FBXW2: variants seen among roughly 807,000 people sequenced by gnomAD.
FBXW2 encodes F-box/WD repeat-containing protein 2.
In FBXW2, 12 loss-of-function variants were observed where a neutral mutation model predicts 46.0. The ratio of observed to expected loss-of-function variants is 0.26; its 90% CI spans 0.17 to 0.42. The LOEUF (loss-of-function observed/expected upper bound fraction) is 0.42. FBXW2 is among the 10% of genes least tolerant of loss of function. FBXW2 has a pLI of 1.00. For missense variants in FBXW2, 360 were observed against 537.0 expected (o/e 0.67, Z 3.26); for synonymous variants, 203 against 209.6 (o/e 0.97, Z 0.27).
Position 120,757,808 on chromosome 9 carries a change from A to G in FBXW2, c.*6751T>C, listed in dbSNP as rs182908832. 1.2e-4 allele frequency: 18 copies of G among 152,348 alleles called. No homozygotes were observed. The highest frequency in any genetic ancestry group is 4.3e-4 in the African/African-American group (18 of 41,596). The allele number at this position is 152,348 out of a possible 1,614,324, so 9.4% of individuals were successfully genotyped here. On this transcript the variant is annotated 3_prime_UTR_variant, in exon 8 of 8. Transcript: ENST00000608872. The stretch of plus-strand genomic sequence containing the variant: ...ACTCATGTCTAATCACAGTGTGATC[A>G]TTAAATATTCTCTCCAAATGTACTC...
At chr9:120,790,125 A>G (rs1178583797) in intron 2 of FBXW2, among the ~76,000 whole-genome samples, 1 of 152,232 alleles carries the variant, frequency 6.6e-6, no homozygotes, top group Non-Finnish European at 1.5e-5. Flanking sequence ...CAAAGCAATT[A>G]TCTTCTGTGG....
chr9:120,790,581 CATACATAT>C (rs1170667048), intron 2 of FBXW2, among the ~76,000 whole-genome samples: 1 of 152,200 alleles, frequency 6.6e-6, no homozygotes, highest in Non-Finnish European at 1.5e-5. Context: ...CACATCTACA[CATACATAT>C]ATACACACAT....
At chr9:120,781,015 T>C (rs1205587034) in intron 3 of FBXW2, among the ~76,000 whole-genome samples, 1 of 151,878 alleles carries the variant, frequency 6.6e-6, no homozygotes, top group Non-Finnish European at 1.5e-5. Flanking sequence ...TATAGGACTG[T>C]TTCAAGAAAG....
chr9:120,790,648 T>C (rs2044819145), intron 2 of FBXW2, among the ~76,000 whole-genome samples: 1 of 152,166 alleles, frequency 6.6e-6, no homozygotes, highest in Non-Finnish European at 1.5e-5. Flanking sequence ...TGTATTTAAG[T>C]GAGCTGAACT....
chr9:120,772,699 CT>C (rs2044405289), intron 6 of FBXW2, 54 bp downstream of exon 6: 17 of 1,212,966 alleles, frequency 1.4e-5, no homozygotes, highest in Non-Finnish European at 2.0e-5. Context: ...CTTTCATTTT[CT>C]TATGTTTTCC....
chr9:120,764,847 C>T lies in FBXW2; in HGVS notation c.1077G>A (p.Arg359=). ...TTGCTATCTCAGGAGTCTTGATGACCCTACAAGGATGAGAGTTAGGGACTG... is the reference window on the plus strand; with the variant it reads ...TTGCTATCTCAGGAGTCTTGATGACTCTACAAGGATGAGAGTTAGGGACTG... ...QWDFASYDIL[R]VIKTPEIANL... is the part of the protein sequence containing the mutation. Residue 359 remains arginine, a splice_region_variant and synonymous_variant, in exon 8 of 8, where the codon AGG becomes AGA. Coordinates refer to ENST00000608872, the MANE Select transcript of FBXW2 (RefSeq NM_012164.4). 1 of 1,569,692 alleles carries T rather than the reference C, an allele frequency of 6.4e-7. No homozygotes were observed. Among genetic ancestry groups the T allele is most frequent in the Non-Finnish European group, 8.7e-7 (1 of 1,155,362 alleles).
intron 6 of FBXW2, among the ~76,000 whole-genome samples, chr9:120,771,786 C>T (rs1382871035): frequency 1.3e-5 from 2 of 152,162 alleles, no homozygotes; most frequent in African/African-American, 4.8e-5. Flanking sequence ...GGGCCAGGCA[C>T]GGTGGCTCGC....
intron 3 of FBXW2, among the ~76,000 whole-genome samples, chr9:120,785,248 A>C (rs1465334460): frequency 6.6e-6 from 1 of 152,068 alleles, no homozygotes; most frequent in African/African-American, 2.4e-5. Context: ...GGGCTCACAT[A>C]ATCTGCCTGC....
At chr9:120,765,095 GT>G (rs751039443) in intron 7 of FBXW2, among the ~76,000 whole-genome samples, 254 of 139,740 alleles carry the variant, frequency 1.8e-3, no homozygotes, top group Middle Eastern at 3.8e-3. Context: ...TTTGATCAAA[GT>G]TTTTTTTTTT....
chr9:120,777,251 T>A (rs2044516171), intron 4 of FBXW2, among the ~76,000 whole-genome samples: 1 of 152,252 alleles, frequency 6.6e-6, no homozygotes, highest in African/African-American at 2.4e-5. Flanking sequence ...CATGCATACA[T>A]GCACCTTCAA....
chr9:120,760,266 C>T lies in FBXW2; in HGVS notation c.*4293G>A, dbSNP rs771489492. ...TCATGAGTAGCAATCTGATTCTGCT[C>T]GCTTCCCAACAGAGAAAGGCAAGTG... On this transcript the variant is annotated 3_prime_UTR_variant, in exon 8 of 8. Coordinates refer to ENST00000608872, the MANE Select transcript of FBXW2 (RefSeq NM_012164.4). 3 of 152,260 alleles carry T rather than the reference C, an allele frequency of 2.0e-5. No individual in the cohort carries two copies. The highest frequency in any genetic ancestry group is 4.4e-5 in the Non-Finnish European group (3 of 68,130). 9.4% of individuals were successfully genotyped at this position (152,260 alleles called of 1,614,324 possible).
rs951054538 is a variant in FBXW2 at position 120,757,340 on chromosome 9, T to A, written c.*7219A>T. ...AAACTGTGTGTTGTATGCACTCTTC[T>A]GTACCTGTAACAGAAAATACTAAGA... is the stretch of plus-strand genomic sequence containing the variant. On this transcript the variant is annotated 3_prime_UTR_variant, in exon 8 of 8. Coordinates refer to ENST00000608872, the MANE Select transcript of FBXW2 (RefSeq NM_012164.4). 7 of 152,248 alleles carry A rather than the reference T, an allele frequency of 4.6e-5. No homozygotes were observed. Among genetic ancestry groups the A allele is most frequent in the Non-Finnish European group, 2.9e-5 (2 of 68,046 alleles). 9.4% of individuals were successfully genotyped at this position (152,248 alleles called of 1,614,324 possible). A position where few individuals can be genotyped will look rare whatever the true frequency, so the allele number is the denominator to read the frequency against.
intron 3 of FBXW2, among the ~76,000 whole-genome samples, chr9:120,781,635 TACAC>T (rs1161130344): frequency 0.038 from 1,661 of 43,616 alleles, 34 homozygotes; most frequent in African/African-American, 0.057. Context: ...TTTATATACA[TACAC>T]ACACACACAC....
At chr9:120,781,182 T>C (rs1315529100) in intron 3 of FBXW2, among the ~76,000 whole-genome samples, 1 of 152,248 alleles carries the variant, frequency 6.6e-6, no homozygotes, top group Non-Finnish European at 1.5e-5. Context: ...GTTGACCTAT[T>C]GAGTTGCAAT....
rs1482015779 is a variant in FBXW2 at position 120,757,547 on chromosome 9, GT to G, written c.*7011del. On this transcript the variant is annotated 3_prime_UTR_variant, in exon 8 of 8. Transcript: ENST00000608872. Reference sequence around the variant, plus strand: ...AGGAAAATTACAAAATATTATGGTAGTTGTAAAAACCTAAAGCACATTTTTG... The same window carrying G: ...AGGAAAATTACAAAATATTATGGTAGTGTAAAAACCTAAAGCACATTTTTG... 6.6e-6 allele frequency: 1 copy of G among 152,186 alleles called. No homozygotes were observed. Among genetic ancestry groups the G allele is most frequent in the Non-Finnish European group, 1.5e-5 (1 of 68,026 alleles). The allele number at this position is 152,186 out of a possible 1,614,324, so 9.4% of individuals were successfully genotyped here. A position where few individuals can be genotyped will look rare whatever the true frequency, so the allele number is the denominator to read the frequency against.
At chr9:120,771,073 T>C (rs1301907249) in intron 7 of FBXW2, among the ~76,000 whole-genome samples, 1 of 152,226 alleles carries the variant, frequency 6.6e-6, no homozygotes, top group Non-Finnish European at 1.5e-5. Context: ...CCCCTCATTT[T>C]CCAGAAAAGC....
rs140986379 is a variant in FBXW2, at chr9:120,759,266, T to C, written c.*5293A>G. ...TAACTTGGGCTTGGCTAACCAAATT[T>C]GCCTAATTGAGGGAATCTGCTTTAA... On this transcript the variant is annotated 3_prime_UTR_variant, in exon 8 of 8. Coordinates refer to ENST00000608872, the MANE Select transcript of FBXW2 (RefSeq NM_012164.4). 6.6e-6 allele frequency: 1 copy of C among 152,364 alleles called. No homozygotes were observed. Among genetic ancestry groups the C allele is most frequent in the African/African-American group, 2.4e-5 (1 of 41,590 alleles). 9.4% of individuals were successfully genotyped at this position (152,364 alleles called of 1,614,324 possible).
At chr9:120,768,493 TAAAC>T (rs1052915500) in intron 7 of FBXW2, among the ~76,000 whole-genome samples, 9 of 152,048 alleles carry the variant, frequency 5.9e-5, no homozygotes, top group African/African-American at 2.2e-4. Flanking sequence ...AGTGGTGAAA[TAAAC>T]AAAGGCAAGT....
Position 120,764,391 on chromosome 9 carries a change from C to A in FBXW2, c.*168G>T. On this transcript the variant is annotated 3_prime_UTR_variant, in exon 8 of 8. Transcript: ENST00000608872. ...TTGTATGTCAATAAAACAAGCCCTCCCCCACCCCGAGCCCTGGCCCCTGGC... is the reference window on the plus strand; with the variant it reads ...TTGTATGTCAATAAAACAAGCCCTCACCCACCCCGAGCCCTGGCCCCTGGC... The A allele has an allele frequency of 1.5e-6, 1 of 684,418 alleles. No individual in the cohort carries two copies. The highest frequency in any genetic ancestry group is 2.4e-6 in the Non-Finnish European group (1 of 410,614). The allele number at this position is 684,418 out of a possible 1,614,324, so 42.4% of individuals were successfully genotyped here. A position where few individuals can be genotyped will look rare whatever the true frequency, so the allele number is the denominator to read the frequency against.
Sources: gnomAD v4.1 joint callset for allele counts (sites outside exome capture counted in the v4.1 genomes callset) on GRCh38, gnomAD v4.1.1 for gene constraint, MANE v1.5 for transcripts, NCBI Gene and HGNC (gene_info 2026-07-23, HGNC 2026-07-21) for gene names.